Variants in LACTBL1 observed in about 807,000 individuals in gnomAD.
LACTBL1 encodes the protein beta-lactamase-like protein 1.
A neutral mutation model predicts 39.6 loss-of-function variants in LACTBL1; 29 were observed. The observed-to-expected ratio is 0.73, with a 90% CI of 0.55 to 1.00. The LOEUF (loss-of-function observed/expected upper bound fraction) is 1.00. Among genes scored for constraint, LACTBL1 ranks in the 50% least tolerant of loss-of-function variants. The pLI is 0.00. For missense variants in LACTBL1, 711 were observed against 748.5 expected (o/e 0.95, Z 0.59); for synonymous variants, 361 against 360.7 (o/e 1.00, Z -0.01).
the LACTBL1 span, chr1:22,972,797 C>A: frequency 1.1e-6 from 1 of 880,798 alleles, no homozygotes; most frequent in African/African-American, 1.8e-5. Context: ...CCAGCAAGAA[C>A]AGGGCAGTTA....
intron 1 of LACTBL1, 53 bp from the exon 4 acceptor site, chr1:22,963,269 A>AG: frequency 2.8e-6 from 3 of 1,075,100 alleles, no homozygotes; most frequent in Non-Finnish European, 2.5e-6. Flanking sequence ...ATAGGAATCT[A>AG]GGGGGAAAGT....
chr1:22,971,118 AT>A, the LACTBL1 span, among the ~76,000 whole-genome samples: 1 of 152,124 alleles, frequency 6.6e-6, no homozygotes, highest in South Asian at 2.1e-4. Flanking sequence ...TCCTTAGCTT[AT>A]TTTTAGGTGA....
the LACTBL1 span, chr1:22,972,243 G>A: frequency 1.0e-6 from 1 of 963,240 alleles, no homozygotes; most frequent in Admixed American, 6.2e-5. Context: ...AAGGACGGTG[G>A]CATGGTCAGA....
the LACTBL1 span, among the ~76,000 whole-genome samples, chr1:22,971,472 C>A: frequency 6.6e-6 from 1 of 151,334 alleles, no homozygotes. Flanking sequence ...AAGAACCAGG[C>A]TCTCCCAAAC....
At chr1:22,972,280 A>G in the LACTBL1 span, 1 of 984,842 alleles carries the variant, frequency 1.0e-6, no homozygotes, top group Non-Finnish European at 1.2e-6. Flanking sequence ...ACACATGGTG[A>G]CAGCTTCTTG....
Position 22,965,274 on chromosome 1 carries a change from C to T in LACTBL1, c.49+16G>A, listed in dbSNP as rs1242312932. ...GGGGGCTATGGGGAGGAACTCAAGGCTGTCTCTGCACTCACCGGTCTTCAG... is the reference window on the plus strand; with the variant it reads ...GGGGGCTATGGGGAGGAACTCAAGGTTGTCTCTGCACTCACCGGTCTTCAG... On this transcript the variant is annotated intron_variant, in intron 1 of 5. Coordinates refer to ENST00000426928, the Ensembl canonical transcript of LACTBL1. The T allele has an allele frequency of 2.3e-6, 3 of 1,311,720 alleles. No individual in the cohort carries two copies. Among genetic ancestry groups the T allele is most frequent in the Non-Finnish European group, 2.9e-6 (3 of 1,023,410 alleles). 81.3% of individuals were successfully genotyped at this position (1,311,720 alleles called of 1,614,324 possible). A position where few individuals can be genotyped will look rare whatever the true frequency, so the allele number is the denominator to read the frequency against.
chr1:22,955,445 C>G lies in LACTBL1; in HGVS notation c.554-19G>C. On this transcript the variant is annotated intron_variant, in intron 4 of 5. Transcript: ENST00000426928. ...GGCAGCCCTAGGGAGGAGCAGTGGT[C>G]AGACTTACCGGGCCCGGCTGAGGGT... is the stretch of plus-strand genomic sequence containing the variant. 6.5e-7 allele frequency: 1 copy of G among 1,529,596 alleles called. No homozygotes were observed. The highest frequency in any genetic ancestry group is 8.8e-7 in the Non-Finnish European group (1 of 1,131,268). The allele number at this position is 1,529,596 out of a possible 1,614,324, so 94.8% of individuals were successfully genotyped here.
chr1:22,953,805 C>CTATGA lies in LACTBL1; in HGVS notation c.878_879insTCATA (p.Pro294HisfsTer147). The stretch of plus-strand genomic sequence containing the variant: ...CGGTAGAGTACATCTGGCCCGACGG[C>CTATGA]CGGTACCAGCCCAGGTCATAGAGTG... On this transcript the variant is annotated frameshift_variant, in exon 6 of 6. Coordinates refer to ENST00000426928, the Ensembl canonical transcript of LACTBL1. LOFTEE classifies it high-confidence loss of function. 7 of 1,545,814 alleles carry CTATGA rather than the reference C, an allele frequency of 4.5e-6. No homozygotes were observed. In the South Asian group the frequency reaches 8.3e-5, roughly 18 times the overall value.
intron 4 of LACTBL1, 87 bp downstream of exon 6, chr1:22,958,598 G>T (rs1640785211): frequency 8.6e-7 from 1 of 1,158,938 alleles, no homozygotes; most frequent in Non-Finnish European, 1.2e-6. Context: ...AGCCAAGAGT[G>T]AGCCCAGCCT....
At chr1:22,962,811 C>G (rs1249714130) in intron 2 of LACTBL1, among the ~76,000 whole-genome samples, 1 of 152,134 alleles carries the variant, frequency 6.6e-6, no homozygotes, top group Non-Finnish European at 1.5e-5. Flanking sequence ...ACCCTAAGGC[C>G]TGTTCCTTTG....
the LACTBL1 span, chr1:22,972,284 CT>C: frequency 1.0e-6 from 1 of 985,208 alleles, no homozygotes; most frequent in Non-Finnish European, 1.2e-6. Context: ...ATGGTGACAG[CT>C]TCTTGAGGCT....
At chr1:22,958,848 G>A (rs2124229188) in exon 4 of LACTBL1, 1 of 1,550,594 alleles carries the variant, frequency 6.4e-7, no homozygotes, top group African/African-American at 1.4e-5. Flanking sequence ...GGTCATCTAG[G>A]GAGGCCACGA....
intron 5 of LACTBL1, 25 bp downstream of exon 7, chr1:22,955,296 C>T (rs1025420574): frequency 1.4e-4 from 209 of 1,531,390 alleles, no homozygotes; most frequent in Non-Finnish European, 1.8e-4. Context: ...TAACATGAGG[C>T]TGGGCATCAG....
chr1:22,954,074 G>A (rs1191776421), intron 5 of LACTBL1, 50 bp from the exon 8 acceptor site: 2 of 1,466,446 alleles, frequency 1.4e-6, no homozygotes, highest in Non-Finnish European at 1.8e-6. Flanking sequence ...TCACCCGCCC[G>A]CGCTGTCTGA....
exon 6 of LACTBL1, chr1:22,953,174 C>A: frequency 8.1e-7 from 1 of 1,232,160 alleles, no homozygotes; most frequent in Non-Finnish European, 1.0e-6. Flanking sequence ...CCGTGCTGGG[C>A]CTCGAGCGAG....
At chr1:22,962,030 G>C (rs1640827924) in intron 2 of LACTBL1, among the ~76,000 whole-genome samples, 1 of 152,202 alleles carries the variant, frequency 6.6e-6, no homozygotes, top group Non-Finnish European at 1.5e-5. Context: ...ACAGGTGTGA[G>C]CCACCGCGCC....
At chr1:22,966,376 C>A (rs915723345), upstream of LACTBL1, among the ~76,000 whole-genome samples, 18 of 152,320 alleles carry the variant, frequency 1.2e-4, no homozygotes, top group African/African-American at 4.1e-4. Context: ...TTGCCTACCT[C>A]CCTTTCTCAA....
chr1:22,959,853 T>C, intron 3 of LACTBL1, 89 bp downstream of exon 5: 2 of 1,441,050 alleles, frequency 1.4e-6, no homozygotes, highest in South Asian at 2.7e-5. Flanking sequence ...ACCCCAGCCA[T>C]GATTCTCTTC....
the LACTBL1 span, among the ~76,000 whole-genome samples, chr1:22,971,342 T>G: frequency 6.6e-6 from 1 of 151,938 alleles, no homozygotes; most frequent in Non-Finnish European, 1.5e-5. Flanking sequence ...CGAAGATGGG[T>G]CAGTATTTAA....
Sources: allele counts gnomAD v4.1 joint callset (sites outside exome capture counted in the v4.1 genomes callset), GRCh38; gene constraint gnomAD v4.1.1; transcripts MANE v1.5; gene names NCBI Gene and HGNC (gene_info 2026-07-23, HGNC 2026-07-21).